PLCXD3: variants seen among roughly 807,000 people sequenced by gnomAD.
The protein encoded by PLCXD3 is phosphatidylinositol specific phospholipase C X domain containing 3, also known as PI-PLC X domain-containing protein 3.
A neutral mutation model predicts 25.5 loss-of-function variants in PLCXD3; 19 were observed. The ratio of observed to expected loss-of-function variants is 0.75; its 90% CI spans 0.52 to 1.09. PLCXD3 has a LOEUF of 1.09. PLCXD3 is among the 50% of genes least tolerant of loss of function. PLCXD3 has a pLI of 0.00. For synonymous variants in PLCXD3, 174 were observed against 137.6 expected, an observed-to-expected ratio of 1.26 and a Z score of -1.85; for missense variants, 411 against 388.1, an observed-to-expected ratio of 1.06 and a Z score of -0.50.
chr5:41,503,977 G>A (rs928298567), intron 1 of PLCXD3, among the ~76,000 whole-genome samples: 11 of 135,072 alleles, frequency 8.1e-5, no homozygotes, highest in Non-Finnish European at 1.1e-4. Context: ...GTGTGTGTGT[G>A]TGTGTGCACT....
At chr5:41,445,983 C>A (rs550417261) in intron 1 of PLCXD3, among the ~76,000 whole-genome samples, 1 of 151,610 alleles carries the variant, frequency 6.6e-6, no homozygotes, top group Admixed American at 6.6e-5. Flanking sequence ...GTCAGGGGAT[C>A]GAGACTATCC....
intron 1 of PLCXD3, among the ~76,000 whole-genome samples, chr5:41,444,793 C>A (rs1747458691): frequency 6.6e-6 from 1 of 152,046 alleles, no homozygotes; most frequent in African/African-American, 2.4e-5. Flanking sequence ...CAAAGCCGTG[C>A]CTAAGTTATT....
At chr5:41,329,515 A>C (rs928547001) in intron 2 of PLCXD3, among the ~76,000 whole-genome samples, 1 of 152,160 alleles carries the variant, frequency 6.6e-6, no homozygotes, top group African/African-American at 2.4e-5. Context: ...TAAAAATGCT[A>C]CTCAGTATTC....
intron 2 of PLCXD3, among the ~76,000 whole-genome samples, chr5:41,369,994 C>T (rs1475560915): frequency 6.6e-6 from 1 of 152,182 alleles, no homozygotes; most frequent in Non-Finnish European, 1.5e-5. Context: ...TCACACATTA[C>T]AGTCTCACTG....
intron 1 of PLCXD3, among the ~76,000 whole-genome samples, chr5:41,461,167 T>C (rs1747863719): frequency 6.6e-6 from 1 of 151,904 alleles, no homozygotes; most frequent in Admixed American, 6.6e-5. Flanking sequence ...TTGGAACAGG[T>C]TTTTCTATGT....
At chr5:41,488,232 T>A (rs1748565796) in intron 1 of PLCXD3, among the ~76,000 whole-genome samples, 1 of 149,116 alleles carries the variant, frequency 6.7e-6, no homozygotes, top group Admixed American at 6.7e-5. Flanking sequence ...TCCAATTTCA[T>A]CCATGTCCCT....
In PLCXD3 at chr5:41,353,093, CT is replaced by C. The variant is rs869052057; in HGVS notation, c.812+28732del. ...CAAAACCAACATGTTGCACACTCAG[CT>C]TTTTTTTTTTTTTTTTGAGACAGAG... is the stretch of plus-strand genomic sequence containing the variant. On this transcript the variant is annotated intron_variant, in intron 2 of 2. Transcript: ENST00000377801. Among the ~76,000 whole-genome samples, 572 of 136,490 alleles carry C rather than the reference CT, an allele frequency of 4.2e-3. 1 individual carries two copies. The highest frequency in any genetic ancestry group is 7.0e-3 in the African/African-American group (262 of 37,264). The allele number at this position is 136,490 out of a possible 152,430, so 89.5% of individuals were successfully genotyped here. A position where few individuals can be genotyped will look rare whatever the true frequency, so the allele number is the denominator to read the frequency against.
At chr5:41,461,298 G>A (rs910351719) in intron 1 of PLCXD3, among the ~76,000 whole-genome samples, 1 of 151,952 alleles carries the variant, frequency 6.6e-6, no homozygotes, top group African/African-American at 2.4e-5. Flanking sequence ...TGTAAAGCAT[G>A]ACTGAAACAT....
At chr5:41,327,364 G>A (rs533290779) in intron 2 of PLCXD3, among the ~76,000 whole-genome samples, 20 of 152,124 alleles carry the variant, frequency 1.3e-4, no homozygotes, top group Admixed American at 1.2e-3. Context: ...GCAAATAAAG[G>A]TTTGTCCAAT....
chr5:41,370,791 TTGAAAATG>T (rs1237451173), intron 2 of PLCXD3, among the ~76,000 whole-genome samples: 1 of 152,176 alleles, frequency 6.6e-6, no homozygotes, highest in Non-Finnish European at 1.5e-5. Flanking sequence ...AACCAATTTG[TTGAAAATG>T]TGACAGTCTG....
At chr5:41,346,273 C>G (rs1744301203) in intron 2 of PLCXD3, among the ~76,000 whole-genome samples, 1 of 152,174 alleles carries the variant, frequency 6.6e-6, no homozygotes, top group Non-Finnish European at 1.5e-5. Context: ...CTAGTTTCTC[C>G]TATTATTAAC....
At chr5:41,467,741 A>G (rs1246708683) in intron 1 of PLCXD3, among the ~76,000 whole-genome samples, 1 of 152,132 alleles carries the variant, frequency 6.6e-6, no homozygotes, top group Non-Finnish European at 1.5e-5. Context: ...TGTATGTAGT[A>G]TAAGATTAGA....
intron 1 of PLCXD3, among the ~76,000 whole-genome samples, chr5:41,443,805 C>T (rs977227663): frequency 1.3e-5 from 2 of 152,122 alleles, no homozygotes; most frequent in Non-Finnish European, 2.9e-5. Flanking sequence ...CAGACCATAC[C>T]TAAGTATAAG....
intron 1 of PLCXD3, among the ~76,000 whole-genome samples, chr5:41,495,659 A>T (rs1297546127): frequency 6.6e-6 from 1 of 152,190 alleles, no homozygotes; most frequent in East Asian, 1.9e-4. Context: ...AATCTAATAA[A>T]TCTTTCTAAT....
chr5:41,329,792 G>A (rs1743736580), intron 2 of PLCXD3, among the ~76,000 whole-genome samples: 1 of 148,838 alleles, frequency 6.7e-6, no homozygotes, highest in African/African-American at 2.5e-5. Context: ...ATAATCAGAT[G>A]TATTTAATCT....
At chr5:41,323,889 C>T (rs1339392970) in intron 2 of PLCXD3, among the ~76,000 whole-genome samples, 1 of 152,108 alleles carries the variant, frequency 6.6e-6, no homozygotes, top group Non-Finnish European at 1.5e-5. Context: ...AGGAGCGAAG[C>T]CTTTCCAGCA....
intron 2 of PLCXD3, among the ~76,000 whole-genome samples, chr5:41,342,113 C>A (rs1744168794): frequency 6.6e-6 from 1 of 152,142 alleles, no homozygotes; most frequent in Admixed American, 6.5e-5. Flanking sequence ...CAGGAGTATG[C>A]AGATGTGATT....
chr5:41,353,331 G>C (rs972504160), intron 2 of PLCXD3, among the ~76,000 whole-genome samples: 1 of 151,364 alleles, frequency 6.6e-6, no homozygotes, highest in Non-Finnish European at 1.5e-5. Context: ...TCAATCTCCT[G>C]ACCTCATGAT....
chr5:41,501,945 G>C (rs761624243), intron 1 of PLCXD3, among the ~76,000 whole-genome samples: 15 of 152,140 alleles, frequency 9.9e-5, no homozygotes, highest in Non-Finnish European at 1.8e-4. Flanking sequence ...CCTGAAGGTA[G>C]GGAAGATATT....
Sources: gnomAD v4.1 joint callset for allele counts (sites outside exome capture counted in the v4.1 genomes callset) on GRCh38, gnomAD v4.1.1 for gene constraint, MANE v1.5 for transcripts, NCBI Gene and HGNC (gene_info 2026-07-23, HGNC 2026-07-21) for gene names.